Variants in KANK1 observed in about 807,000 individuals in gnomAD.
The protein encoded by KANK1 is KN motif and ankyrin repeat domains 1.
KANK1 carries 109 observed loss-of-function variants against 106.2 expected under a neutral mutation model. That is an observed-to-expected ratio of 1.03 (90% CI 0.88 to 1.20). The LOEUF (loss-of-function observed/expected upper bound fraction) is 1.20. Among genes scored for constraint, KANK1 ranks in the 50% most tolerant of loss-of-function variants. KANK1 has a pLI of 0.00. For synonymous variants in KANK1, 873 were observed against 652.2 expected, an observed-to-expected ratio of 1.34 and a Z score of -5.16; for missense variants, 2,399 against 1,710.7, an observed-to-expected ratio of 1.40 and a Z score of -7.10.
At chr9:562,180 A>G (rs2641980) in intron 1 of KANK1, among the ~76,000 whole-genome samples, 141,701 of 149,376 alleles carry the variant, frequency 0.95, 67,262 homozygotes, top group East Asian at 1. Context: ...AGCCTCCCGA[A>G]TAGCTGGGAC....
At chr9:531,662 C>T (rs1193360936) in intron 1 of KANK1, among the ~76,000 whole-genome samples, 1 of 152,178 alleles carries the variant, frequency 6.6e-6, no homozygotes, top group African/African-American at 2.4e-5. Context: ...AACTGGAGTA[C>T]AGCAGCATTG....
At chr9:647,006 T>C (rs983879042) in intron 1 of KANK1, among the ~76,000 whole-genome samples, 1 of 151,020 alleles carries the variant, frequency 6.6e-6, no homozygotes, top group African/African-American at 2.5e-5. Flanking sequence ...CCCTTAAACA[T>C]CATTGTAAAA....
At chr9:705,928 T>C (rs1224568322) in intron 2 of KANK1, among the ~76,000 whole-genome samples, 2 of 152,140 alleles carry the variant, frequency 1.3e-5, no homozygotes, top group Non-Finnish European at 2.9e-5. Context: ...TTAAGTTTTT[T>C]GCTCTCTGGG....
intron 1 of KANK1, among the ~76,000 whole-genome samples, chr9:609,502 A>G (rs1830091200): frequency 6.6e-6 from 1 of 152,038 alleles, no homozygotes; most frequent in Non-Finnish European, 1.5e-5. Flanking sequence ...GGTGGCGTGC[A>G]CCCTTAGTCC....
chr9:634,470 T>C (rs563828035), intron 1 of KANK1, among the ~76,000 whole-genome samples: 3 of 152,240 alleles, frequency 2.0e-5, no homozygotes, highest in East Asian at 1.9e-4. Flanking sequence ...ATAGGAGCAA[T>C]TGGGGAAGTC....
chr9:724,564 G>A lies in KANK1; in HGVS notation c.2699-5487G>A, dbSNP rs111555604. ...TGTAATCCCAGAACTTTGGGAGGCC[G>A]AGGTAGGTAGGTGGATCACTTGAGG... is the stretch of plus-strand genomic sequence containing the variant. On this transcript the variant is annotated intron_variant, in intron 3 of 11. Coordinates refer to ENST00000382297, the MANE Select transcript of KANK1 (RefSeq NM_015158.5). Among the ~76,000 whole-genome samples the A allele has an allele frequency of 2.0e-4, 30 of 152,182 alleles. No individual in the cohort carries two copies. The South Asian group carries it at 5.4e-3, about 27-fold the overall frequency.
intron 1 of KANK1, among the ~76,000 whole-genome samples, chr9:550,305 TG>T (rs1446942307): frequency 2.0e-5 from 3 of 152,174 alleles, no homozygotes; most frequent in African/African-American, 7.2e-5. Context: ...CGTTATAGGG[TG>T]TTTATTACCA....
At chr9:518,505 C>T (rs1346997568) in intron 1 of KANK1, among the ~76,000 whole-genome samples, 3 of 151,680 alleles carry the variant, frequency 2.0e-5, no homozygotes, top group African/African-American at 7.3e-5. Context: ...GGGTTCGGAG[C>T]ATGGGTTCTA....
Position 730,172 on chromosome 9 carries a change from G to A in KANK1, c.2820G>A (p.Leu940=), listed in dbSNP as rs1274936010. Residue 940 remains leucine (L), a synonymous_variant, in exon 4 of 12, where the codon CTG becomes CTA. Transcript: ENST00000382297. ...GTSEGKPISS[L]DAFPTQEGTL... ...CAGAAGGAAAGCCAATCAGCAGCCTGGATGCCTTCCCCACTCAGGAAGGTA... is the reference window on the plus strand; with the variant it reads ...CAGAAGGAAAGCCAATCAGCAGCCTAGATGCCTTCCCCACTCAGGAAGGTA... 5 of 1,614,058 alleles carry A rather than the reference G, an allele frequency of 3.1e-6. No homozygotes were observed. The African/African-American group carries it at 4.0e-5, about 13-fold the overall frequency.
At chr9:555,754 G>T (rs2061544633) in intron 1 of KANK1, among the ~76,000 whole-genome samples, 2 of 152,204 alleles carry the variant, frequency 1.3e-5, no homozygotes, top group Non-Finnish European at 2.9e-5. Flanking sequence ...GACAAGATCT[G>T]TGAGTTCCTA....
At chr9:673,071 G>T (rs7045793) in intron 1 of KANK1, among the ~76,000 whole-genome samples, 24,240 of 151,970 alleles carry the variant, frequency 0.16, 2,779 homozygotes, top group East Asian at 0.31. Context: ...ATAGCATTAA[G>T]AAGAATGAGC....
At chr9:664,982 G>T (rs1302515698) in intron 1 of KANK1, among the ~76,000 whole-genome samples, 3 of 152,154 alleles carry the variant, frequency 2.0e-5, no homozygotes, top group African/African-American at 4.8e-5. Flanking sequence ...AGAAATACCT[G>T]TTCAGGCCTT....
intron 1 of KANK1, among the ~76,000 whole-genome samples, chr9:564,049 G>A (rs1050655229): frequency 6.7e-6 from 1 of 150,054 alleles, no homozygotes; most frequent in African/African-American, 2.5e-5. Context: ...GTCATAGAAT[G>A]TGCACTTTCT....
intron 1 of KANK1, among the ~76,000 whole-genome samples, chr9:648,082 C>A (rs892858375): frequency 6.8e-6 from 1 of 146,934 alleles, no homozygotes; most frequent in South Asian, 2.1e-4. Flanking sequence ...TGGCTCACTG[C>A]AACCTCCGCA....
intron 1 of KANK1, among the ~76,000 whole-genome samples, chr9:617,352 G>C (rs1266859230): frequency 1.3e-5 from 2 of 152,170 alleles, no homozygotes; most frequent in Non-Finnish European, 2.9e-5. Context: ...GTTAGGAGAA[G>C]GATTGGGGAG....
chr9:664,364 C>T (rs1001044511), intron 1 of KANK1, among the ~76,000 whole-genome samples: 3 of 152,188 alleles, frequency 2.0e-5, no homozygotes, highest in Non-Finnish European at 2.9e-5. Context: ...ACATAATGAC[C>T]CCCAGTTTCA....
At chr9:657,561 GTTC>G (rs925989892) in intron 1 of KANK1, among the ~76,000 whole-genome samples, 7 of 151,640 alleles carry the variant, frequency 4.6e-5, no homozygotes, top group African/African-American at 1.2e-4. Context: ...GTTGTTGTTT[GTTC>G]TTGTTTTTTT....
intron 1 of KANK1, among the ~76,000 whole-genome samples, chr9:579,223 C>G (rs553511772): frequency 1.3e-5 from 2 of 152,156 alleles, no homozygotes; most frequent in African/African-American, 4.8e-5. Flanking sequence ...GGTCTGCTTC[C>G]CTCTGCCCCC....
intron 1 of KANK1, among the ~76,000 whole-genome samples, chr9:520,672 T>A (rs1417881381): frequency 2.0e-5 from 3 of 151,802 alleles, no homozygotes; most frequent in Non-Finnish European, 4.4e-5. Context: ...AATCTGCACT[T>A]TGGGTTTTAT....
Sources: allele counts gnomAD v4.1 joint callset (sites outside exome capture counted in the v4.1 genomes callset), GRCh38; gene constraint gnomAD v4.1.1; transcripts MANE v1.5; gene names NCBI Gene and HGNC (gene_info 2026-07-23, HGNC 2026-07-21).